The following PIEZO2 variants were observed in gnomAD, a reference collection of about 807,000 sequenced individuals.
The protein encoded by PIEZO2 is piezo type mechanosensitive ion channel component 2, also known as piezo-type mechanosensitive ion channel component 2.
A neutral mutation model predicts 337.3 loss-of-function variants in PIEZO2; 172 were observed. The observed-to-expected ratio is 0.51, with a 90% confidence interval of 0.45 to 0.58. The LOEUF (loss-of-function observed/expected upper bound fraction) is 0.58, where lower values mean the gene tolerates loss of function less well. PIEZO2 is among the 20% of genes least tolerant of loss of function. The pLI is 0.00. For synonymous variants in PIEZO2, 1,251 were observed against 1,228.5 expected, an observed-to-expected ratio of 1.02 and a Z score of -0.38; for missense variants, 3,028 against 3,391.3, an observed-to-expected ratio of 0.89 and a Z score of 2.66.
intron 1 of PIEZO2, among the ~76,000 whole-genome samples, chr18:11,142,914 TA>T (rs2040696680): frequency 6.6e-6 from 1 of 151,750 alleles, no homozygotes; most frequent in Admixed American, 6.6e-5. Flanking sequence ...CCGTCGCTAC[TA>T]AAAATACAAA....
At chr18:10,730,926 C>T (rs1472086203) in intron 36 of PIEZO2, among the ~76,000 whole-genome samples, 1 of 152,072 alleles carries the variant, frequency 6.6e-6, no homozygotes, top group Non-Finnish European at 1.5e-5. Context: ...CGGGGTTTCA[C>T]CGCGTTAGCC....
chr18:10,698,187 G>A (rs1567960245), intron 44 of PIEZO2, among the ~76,000 whole-genome samples: 1 of 152,216 alleles, frequency 6.6e-6, no homozygotes, highest in Non-Finnish European at 1.5e-5. Context: ...CAGATAGGAT[G>A]CCCCATGTCT....
At chr18:10,792,817 G>A (rs1032394625) in intron 13 of PIEZO2, among the ~76,000 whole-genome samples, 5 of 152,186 alleles carry the variant, frequency 3.3e-5, no homozygotes, top group Non-Finnish European at 7.3e-5. Flanking sequence ...TGGTCTTATG[G>A]AAATTTTATG....
Position 10,726,564 on chromosome 18 carries a change from T to A in PIEZO2, c.5029+4843A>T. 3.5e-6 allele frequency: 5 copies of A among 1,409,530 alleles called. No individual in the cohort carries two copies. The highest frequency in any genetic ancestry group is 4.7e-6 in the Non-Finnish European group (5 of 1,062,306). 87.3% of individuals were successfully genotyped at this position (1,409,530 alleles called of 1,614,324 possible). A position where few individuals can be genotyped will look rare whatever the true frequency, so the allele number is the denominator to read the frequency against. Reference sequence around the variant, plus strand: ...GCTACACCAGCCGCCACGCTGTGCGTCTGTCCTTCCGCCAGCTCTTCCAGG... The same window carrying A: ...GCTACACCAGCCGCCACGCTGTGCGACTGTCCTTCCGCCAGCTCTTCCAGG... On this transcript the variant is annotated intron_variant, in intron 36 of 55. Transcript: ENST00000674853. The surrounding 1 kb of genome is among the most constrained non-coding windows in gnomAD (Gnocchi z 5.9).
At chr18:10,782,302 T>C (rs1293632638) in intron 17 of PIEZO2, among the ~76,000 whole-genome samples, 1 of 111,104 alleles carries the variant, frequency 9.0e-6, no homozygotes, top group African/African-American at 3.7e-5. Flanking sequence ...TAATTATATA[T>C]AAATAATTAT....
chr18:11,074,109 G>C (rs2038441970), intron 1 of PIEZO2, among the ~76,000 whole-genome samples: 1 of 152,164 alleles, frequency 6.6e-6, no homozygotes, highest in Non-Finnish European at 1.5e-5. Context: ...GCCTCCCAAA[G>C]TGCTAGGATT....
Position 11,078,430 on chromosome 18 carries a change from C to T in PIEZO2, c.65-12208G>A, listed in dbSNP as rs144504291. Reference sequence around the variant, plus strand: ...GCAGTCCTATTTCTTCTATCTCCAGCACATGATGCGACCCAACATTACATC... The same window carrying T: ...GCAGTCCTATTTCTTCTATCTCCAGTACATGATGCGACCCAACATTACATC... On this transcript the variant is annotated intron_variant, in intron 1 of 55. Coordinates refer to ENST00000674853, the MANE Select transcript of PIEZO2 (RefSeq NM_001378183.1). The surrounding 1 kb of genome is among the most constrained non-coding windows in gnomAD (Gnocchi z 5.3). Among the ~76,000 whole-genome samples the T allele has an allele frequency of 3.2e-4, 48 of 152,314 alleles. No homozygotes were observed. In the East Asian group the frequency reaches 9.1e-3, roughly 29 times the overall value.
chr18:10,745,167 A>G (rs889161779), intron 30 of PIEZO2, among the ~76,000 whole-genome samples: 18 of 152,152 alleles, frequency 1.2e-4, no homozygotes, highest in Admixed American at 3.9e-4. Flanking sequence ...CTTGCCCTGC[A>G]GGGACAGTGG....
At chr18:10,758,194 AACAC>A in intron 26 of PIEZO2, 60 bp from the exon 27 acceptor site, 1 of 1,482,556 alleles carries the variant, frequency 6.7e-7, no homozygotes, top group African/African-American at 1.4e-5. Flanking sequence ...TACATAATGC[AACAC>A]ACAGTCATCA....
chr18:10,761,143 C>T (rs2038112159), intron 23 of PIEZO2, 32 bp from the exon 24 acceptor site: 1 of 1,514,526 alleles, frequency 6.6e-7, no homozygotes, highest in Non-Finnish European at 8.9e-7. Context: ...ATGTGTCAGC[C>T]AGAGGCTTTA....
rs1055096163 is a variant in PIEZO2 at position 11,031,691 on chromosome 18, G to A, written c.160+34436C>T. ...GGGCAGCATTCCGGAGGCTTCCAGA[G>A]GAGCCAGATATAACCCTTGGTTGCT... is the stretch of plus-strand genomic sequence containing the variant. On this transcript the variant is annotated intron_variant, in intron 2 of 55. Coordinates refer to ENST00000674853, the MANE Select transcript of PIEZO2 (RefSeq NM_001378183.1). The surrounding 1 kb of genome is among the most constrained non-coding windows in gnomAD (Gnocchi z 4.7). Among the ~76,000 whole-genome samples the A allele has an allele frequency of 1.3e-5, 2 of 152,116 alleles. No individual in the cohort carries two copies. The highest frequency in any genetic ancestry group is 4.8e-5 in the African/African-American group (2 of 41,432).
rs956601242 is a variant in PIEZO2 at position 10,940,967 on chromosome 18, G to C, written c.287-29739C>G. On this transcript the variant is annotated intron_variant, in intron 3 of 55. Coordinates refer to ENST00000674853, the MANE Select transcript of PIEZO2 (RefSeq NM_001378183.1). This position sits in a 1 kb window ranked among gnomAD's most constrained non-coding sequence, Gnocchi z 5.3. ...GCTCTGCATTTCTTCTAAATAACAA[G>C]GATTTTTGGTATTTACTAAAAATAA... Among the ~76,000 whole-genome samples, 2 of 151,986 alleles carry C rather than the reference G, an allele frequency of 1.3e-5. No homozygotes were observed. Among genetic ancestry groups the C allele is most frequent in the African/African-American group, 4.8e-5 (2 of 41,376 alleles).
At chr18:10,977,438 A>T (rs1213468830) in intron 3 of PIEZO2, among the ~76,000 whole-genome samples, 1 of 152,120 alleles carries the variant, frequency 6.6e-6, no homozygotes, top group Non-Finnish European at 1.5e-5. Context: ...TTTAGTTATA[A>T]GATTCTTCCT....
chr18:10,801,705 C>A (rs951564688), intron 9 of PIEZO2, among the ~76,000 whole-genome samples: 1 of 152,070 alleles, frequency 6.6e-6, no homozygotes, highest in South Asian at 2.1e-4. Context: ...TTATGTTCTA[C>A]AAGAATAAGC....
At chr18:10,897,094 G>A (rs1191995014) in intron 4 of PIEZO2, among the ~76,000 whole-genome samples, 2 of 152,186 alleles carry the variant, frequency 1.3e-5, no homozygotes, top group Non-Finnish European at 1.5e-5. Context: ...ACTGCTAATA[G>A]TGTTGTGGGA....
At chr18:11,014,129 G>T (rs542000930) in intron 2 of PIEZO2, among the ~76,000 whole-genome samples, 13 of 152,368 alleles carry the variant, frequency 8.5e-5, no homozygotes, top group Non-Finnish European at 1.3e-4. Flanking sequence ...TGCTGTAGGA[G>T]CTAGGGAAGT....
At chr18:10,702,640 T>C (rs1031968656) in intron 42 of PIEZO2, among the ~76,000 whole-genome samples, 3 of 152,252 alleles carry the variant, frequency 2.0e-5, no homozygotes. Context: ...TCCTCCATCA[T>C]ATCTGTGTGC....
chr18:10,751,671 G>A (rs2037651034), intron 28 of PIEZO2, among the ~76,000 whole-genome samples: 1 of 152,214 alleles, frequency 6.6e-6, no homozygotes, highest in Non-Finnish European at 1.5e-5. Context: ...AAGTAGCTAG[G>A]AAGGAAGAAG....
chr18:11,085,897 TA>T (rs1258391821), intron 1 of PIEZO2, among the ~76,000 whole-genome samples: 2 of 145,508 alleles, frequency 1.4e-5, no homozygotes, highest in East Asian at 2.0e-4. Context: ...AAAAGGGAGG[TA>T]GGGGGTATAA....
Sources: allele counts gnomAD v4.1 joint callset (sites outside exome capture counted in the v4.1 genomes callset), GRCh38; gene constraint gnomAD v4.1.1; non-coding constraint Gnocchi (gnomAD v3.1); transcripts MANE v1.5; gene names NCBI Gene and HGNC (gene_info 2026-07-23, HGNC 2026-07-21).